The following ZNF585B variants were observed in gnomAD, a reference collection of about 807,000 sequenced individuals.
The protein encoded by ZNF585B is zinc finger protein 585B.
A neutral mutation model predicts 14.0 loss-of-function variants in ZNF585B; 7 were observed. The observed-to-expected ratio is 0.50, with a 90% CI of 0.28 to 0.94. The LOEUF (loss-of-function observed/expected upper bound fraction) is 0.94. ZNF585B is among the 40% of genes least tolerant of loss of function. ZNF585B has a pLI of 0.09. For missense variants in ZNF585B, 750 were observed against 924.4 expected, an observed-to-expected ratio of 0.81 and a Z score of 2.45; for synonymous variants, 290 against 317.3, an observed-to-expected ratio of 0.91 and a Z score of 0.91.
chr19:37,203,880 G>C (rs546081495), intron 2 of ZNF585B, among the ~76,000 whole-genome samples: 1 of 151,926 alleles, frequency 6.6e-6, no homozygotes, highest in Non-Finnish European at 1.5e-5. Flanking sequence ...TGCCCGCCTC[G>C]GCCTCCCAAA....
At chr19:37,203,149 T>C (rs1972550076) in intron 2 of ZNF585B, among the ~76,000 whole-genome samples, 1 of 152,190 alleles carries the variant, frequency 6.6e-6, no homozygotes, top group Admixed American at 6.6e-5. Context: ...TTTGCTTTTC[T>C]TTTTTTAGTC....
chr19:37,206,949 C>T, intron 2 of ZNF585B, 91 bp downstream of exon 2: 1 of 1,520,840 alleles, frequency 6.6e-7, no homozygotes, highest in Non-Finnish European at 9.0e-7. Context: ...GTTCCTAAGG[C>T]CTGTCTGCCT....
In ZNF585B at chr19:37,184,404, G is replaced by GAAAGAA. The variant is rs1282289408; in HGVS notation, c.*817_*822dup. ...AGAAAGAAAGAAAGAAAGAAAGAAA[G>GAAAGAA]AAAGAAAGAAAGAGAAAGAAAGAAA... On this transcript the variant is annotated 3_prime_UTR_variant, in exon 5 of 5. Transcript: ENST00000532828. The GAAAGAA allele has an allele frequency of 5.8e-5, 3 of 51,866 alleles. No homozygotes were observed. The highest frequency in any genetic ancestry group is 1.0e-4 in the African/African-American group (1 of 9,902). The allele number at this position is 51,866 out of a possible 1,614,324, so 3.2% of individuals were successfully genotyped here.
intron 2 of ZNF585B, among the ~76,000 whole-genome samples, chr19:37,193,846 A>G (rs952673068): frequency 1.3e-5 from 2 of 152,216 alleles, no homozygotes; most frequent in African/African-American, 2.4e-5. Flanking sequence ...CACCTTGTGG[A>G]CTTTGGCCCC....
rs569365962 is a variant in ZNF585B at position 37,181,777 on chromosome 19, A to T, written c.*3450T>A. The T allele has an allele frequency of 6.6e-6, 1 of 152,298 alleles. No individual in the cohort carries two copies. Among genetic ancestry groups the T allele is most frequent in the South Asian group, 2.1e-4 (1 of 4,830 alleles). The allele number at this position is 152,298 out of a possible 1,614,324, so 9.4% of individuals were successfully genotyped here. A position where few individuals can be genotyped will look rare whatever the true frequency, so the allele number is the denominator to read the frequency against. On this transcript the variant is annotated 3_prime_UTR_variant, in exon 5 of 5. Coordinates refer to ENST00000532828, the MANE Select transcript of ZNF585B (RefSeq NM_152279.4). ...TCCACATTACTAAGTGAAACAAATC[A>T]ATCTGAAAAGGCTGCATACTTTATG...
rs377688182 is a variant in ZNF585B at position 37,186,898 on chromosome 19, T to G, written c.639A>C (p.Leu213=). ...CTTTCCCACATTCACTACATTCATATAGTTTTTCTCCGGTATGAATTCTGT... is the reference window on the plus strand; with the variant it reads ...CTTTCCCACATTCACTACATTCATAGAGTTTTTCTCCGGTATGAATTCTGT... The part of the protein sequence containing the change: ...RHHRIHTGEK[L]YECSECGKGF... Residue 213 remains leucine (L), a synonymous_variant, in exon 5 of 5, where the codon CTA becomes CTC. Transcript: ENST00000532828. 1.2e-6 allele frequency: 2 copies of G among 1,613,896 alleles called. No individual in the cohort carries two copies. The highest frequency in any genetic ancestry group is 1.3e-5 in the African/African-American group (1 of 74,910).
At chr19:37,199,073 T>C (rs1972503387) in intron 2 of ZNF585B, 1 of 1,364,474 alleles carries the variant, frequency 7.3e-7, no homozygotes, top group Non-Finnish European at 1.0e-6. Flanking sequence ...AATATACATG[T>C]TCTAATTTTT....
Position 37,210,526 on chromosome 19 carries a change from A to G in ZNF585B, c.-229T>C, listed in dbSNP as rs898025193. On this transcript the variant is annotated 5_prime_UTR_variant, in exon 1 of 5. Transcript: ENST00000532828. ...GAAATAGCCTTCGGGGACCACTTCC[A>G]CTTCCGGTCCGACTTCTAGCACCTC... is the stretch of plus-strand genomic sequence containing the variant. 6.6e-6 allele frequency: 1 copy of G among 152,100 alleles called. No homozygotes were observed. Among genetic ancestry groups the G allele is most frequent in the Non-Finnish European group, 1.5e-5 (1 of 68,026 alleles). 9.4% of individuals were successfully genotyped at this position (152,100 alleles called of 1,614,324 possible).
In ZNF585B at chr19:37,189,771, T is replaced by C. The variant is rs1296955831; in HGVS notation, c.200-18A>G. 1 of 1,614,014 alleles carries C rather than the reference T, an allele frequency of 6.2e-7. No individual in the cohort carries two copies. The highest frequency in any genetic ancestry group is 1.7e-5 in the Admixed American group (1 of 60,012). On this transcript the variant is annotated intron_variant, in intron 3 of 4. Coordinates refer to ENST00000532828, the MANE Select transcript of ZNF585B (RefSeq NM_152279.4). ...TTGATACCCTGTTCATGGGAAATGA[T>C]AAAGGTCTGGGTCCAGCTAATTACG...
In ZNF585B at chr19:37,206,375, C is replaced by A. The variant is rs1048424017; in HGVS notation, c.72+665G>T. On this transcript the variant is annotated intron_variant, in intron 2 of 4. Coordinates refer to ENST00000532828, the MANE Select transcript of ZNF585B (RefSeq NM_152279.4). ...CTGAGGCAGGAGAATCTCTTGAACCCAGGAGGCGGAGGTTGCAGTGAGCCG... is the reference window on the plus strand; with the variant it reads ...CTGAGGCAGGAGAATCTCTTGAACCAAGGAGGCGGAGGTTGCAGTGAGCCG... 2.0e-5 allele frequency among the ~76,000 whole-genome samples: 3 copies of A among 149,092 alleles called. 1 individual carries two copies. Among genetic ancestry groups the A allele is most frequent in the Admixed American group, 1.3e-4 (2 of 14,900 alleles).
chr19:37,188,298 C>T (rs967739578), intron 4 of ZNF585B, among the ~76,000 whole-genome samples: 2 of 151,882 alleles, frequency 1.3e-5, no homozygotes, highest in East Asian at 3.9e-4. Context: ...ACCAGCCTGA[C>T]CAACATGGAG....
At chr19:37,195,345 CAAAAAAAAAA>C (rs71177429) in intron 2 of ZNF585B, among the ~76,000 whole-genome samples, 1,449 of 14,318 alleles carry the variant, frequency 0.1, 14 homozygotes, top group Middle Eastern at 0.62. Context: ...GACTCTGACT[CAAAAAAAAAA>C]AAAAAAAAAA....
chr19:37,202,738 G>A (rs1187845907), intron 2 of ZNF585B, among the ~76,000 whole-genome samples: 1 of 151,594 alleles, frequency 6.6e-6, no homozygotes, highest in South Asian at 2.1e-4. Flanking sequence ...CGCCACCTGA[G>A]TTCAGGCGAT....
Position 37,186,024 on chromosome 19 carries a change from G to C in ZNF585B, c.1513C>G (p.Gln505Glu). The C allele has an allele frequency of 6.2e-7, 1 of 1,613,874 alleles. No individual in the cohort carries two copies. The highest frequency in any genetic ancestry group is 8.5e-7 in the Non-Finnish European group (1 of 1,179,996). Residue 505 changes from glutamine (Q) to glutamate (E), a missense_variant, in exon 5 of 5, where the codon CAG (glutamine) becomes GAG (glutamate). By Grantham distance (29) the Gln-to-Glu change is conservative. This residue lies in a region of ZNF585B where 233 missense variants were observed against 354.1 expected (regional missense o/e 0.66). Coordinates refer to ENST00000532828, the MANE Select transcript of ZNF585B (RefSeq NM_152279.4). The stretch of plus-strand genomic sequence containing the variant: ...TGATGTGTAATCAAGTCTGACCTCT[G>C]GGTGAAGGCCTTTCCACATTTGGAA... ...ICSKCGKAFT[Q>E]RSDLITHQRI... is the part of the protein sequence containing the mutation.
intron 2 of ZNF585B, among the ~76,000 whole-genome samples, chr19:37,198,181 T>C (rs1972490270): frequency 6.6e-6 from 1 of 152,112 alleles, no homozygotes; most frequent in African/African-American, 2.4e-5. Flanking sequence ...TTATTATTAT[T>C]ATTTTTTGAG....
chr19:37,187,175 T>C lies in ZNF585B; in HGVS notation c.362A>G (p.Gln121Arg). The C allele has an allele frequency of 1.2e-6, 2 of 1,613,558 alleles. No individual in the cohort carries two copies. The highest frequency in any genetic ancestry group is 1.3e-5 in the African/African-American group (1 of 75,046). ...GGATTTTTCCCCAGAATAAATTTTT[T>C]GATCTTGAGAGGAAGCTGGTTTATA... ...IGYKPASSQD[Q>R]KIYSGEKSYE... The change falls in exon 5 of 5, where the codon CAA (glutamine) becomes CGA (arginine). Residue 121 changes from glutamine (Q) to arginine (R), a missense_variant. Coordinates refer to ENST00000532828, the MANE Select transcript of ZNF585B (RefSeq NM_152279.4).
chr19:37,182,894 A>G lies in ZNF585B; in HGVS notation c.*2333T>C, dbSNP rs1438158642. The G allele has an allele frequency of 6.6e-6, 1 of 152,214 alleles. No homozygotes were observed. The highest frequency in any genetic ancestry group is 1.5e-5 in the Non-Finnish European group (1 of 68,068). 9.4% of individuals were successfully genotyped at this position (152,214 alleles called of 1,614,324 possible). ...AGCATCTGTAAGGCCACTGCTGCCT[A>G]TCTAGGGCAAGATACCTAATATCCA... On this transcript the variant is annotated 3_prime_UTR_variant, in exon 5 of 5. Transcript: ENST00000532828.
At chr19:37,198,987 T>C in intron 2 of ZNF585B, 1 of 1,530,748 alleles carries the variant, frequency 6.5e-7, no homozygotes, top group East Asian at 2.5e-5. Context: ...AGTTTGTCTC[T>C]TGTGATGCAT....
chr19:37,193,096 C>G (rs1306904390), intron 2 of ZNF585B, among the ~76,000 whole-genome samples: 1 of 152,084 alleles, frequency 6.6e-6, no homozygotes, highest in African/African-American at 2.4e-5. Context: ...GATTGCGCCA[C>G]TGCATTCCAG....
Sources: gnomAD v4.1 joint callset for allele counts (sites outside exome capture counted in the v4.1 genomes callset) on GRCh38, gnomAD v4.1.1 for gene constraint, gnomAD v4.1.1 regional missense constraint, MANE v1.5 for transcripts, NCBI Gene and HGNC (gene_info 2026-07-23, HGNC 2026-07-21) for gene names.